Variants in ATP6V0A4 observed in about 807,000 individuals in gnomAD.
The protein encoded by ATP6V0A4 is V-type proton ATPase 116 kDa subunit a 4.
In ATP6V0A4, 86 loss-of-function variants were observed where a neutral mutation model predicts 107.3. That is an observed-to-expected ratio of 0.80 (90% CI 0.67 to 0.96). ATP6V0A4 has a LOEUF of 0.96. Among genes scored for constraint, ATP6V0A4 ranks in the 40% least tolerant of loss-of-function variants. The pLI, the probability that ATP6V0A4 is intolerant of heterozygous loss-of-function variation, is 0.00. For missense variants in ATP6V0A4, 908 were observed against 1,045.6 expected (o/e 0.87, Z 1.81); for synonymous variants, 353 against 381.4 (o/e 0.93, Z 0.87).
At chr7:138,724,781 AT>A (rs1804624562) in intron 18 of ATP6V0A4, among the ~76,000 whole-genome samples, 1 of 152,194 alleles carries the variant, frequency 6.6e-6, no homozygotes, top group South Asian at 2.1e-4. Context: ...TTTTCTGCTC[AT>A]TATTCTTGAA....
chr7:138,737,725 G>A (rs1291957215), intron 15 of ATP6V0A4, among the ~76,000 whole-genome samples: 2 of 150,466 alleles, frequency 1.3e-5, no homozygotes, highest in Non-Finnish European at 3.0e-5. Flanking sequence ...GGGATCACAA[G>A]CATATGCTAC....
At chr7:138,726,638 G>A (rs1804738836) in intron 18 of ATP6V0A4, among the ~76,000 whole-genome samples, 1 of 152,204 alleles carries the variant, frequency 6.6e-6, no homozygotes, top group African/African-American at 2.4e-5. Context: ...AAGGAGAGGT[G>A]GAGAAGGGGC....
chr7:138,764,984 G>A, intron 5 of ATP6V0A4: 1 of 152,312 alleles, frequency 6.6e-6, no homozygotes, highest in Non-Finnish European at 1.5e-5. Context: ...TAGTAGAGAT[G>A]GGGTTTCACC....
intron 1 of ATP6V0A4, among the ~76,000 whole-genome samples, chr7:138,796,620 T>C (rs79517576): frequency 3.1e-5 from 2 of 64,902 alleles, no homozygotes; most frequent in Non-Finnish European, 6.7e-5. Flanking sequence ...AATCTGCACA[T>C]ACAAACTTCA....
chr7:138,744,436 C>A (rs529224597), intron 14 of ATP6V0A4, among the ~76,000 whole-genome samples: 30 of 152,256 alleles, frequency 2.0e-4, no homozygotes, highest in African/African-American at 7.0e-4. Context: ...TGGGGTTTCA[C>A]CATGTTGGCC....
At chr7:138,760,669 A>G (rs946830455) in intron 7 of ATP6V0A4, among the ~76,000 whole-genome samples, 6 of 152,128 alleles carry the variant, frequency 3.9e-5, no homozygotes, top group African/African-American at 1.4e-4. Flanking sequence ...TCACTGGCTT[A>G]TTACTTTAAA....
At position 138,706,458 on chromosome 7, in the gene ATP6V0A4, A is replaced by T; in HGVS notation, c.*166T>A. ...CAAAGTCCTTCCTCTGACGTGGTTA[A>T]GTCGTATCAAATCCACAGGCTGACG... On this transcript the variant is annotated 3_prime_UTR_variant, in exon 22 of 22. Transcript: ENST00000310018. The T allele has an allele frequency of 1.2e-6, 1 of 802,704 alleles. No homozygotes were observed. Among genetic ancestry groups the T allele is most frequent in the Non-Finnish European group, 2.0e-6 (1 of 490,286 alleles). 49.7% of individuals were successfully genotyped at this position (802,704 alleles called of 1,614,324 possible).
intron 20 of ATP6V0A4, among the ~76,000 whole-genome samples, chr7:138,713,761 AG>A (rs1803872442): frequency 1.3e-5 from 2 of 152,146 alleles, no homozygotes; most frequent in South Asian, 4.1e-4. Flanking sequence ...AGGGGGCTGC[AG>A]GGGCAAACAC....
rs2117331845 is a variant in ATP6V0A4 at position 138,768,865 on chromosome 7, T to C, written c.206A>G (p.Glu69Gly). ...ESLERILRFL[E>G]DEMQNEIVVQ... ...TACAATCTCATTTTGCATCTCGTCT[T>C]CCAGAAAACCTGAAGAATGAAAACC... Residue 69 changes from glutamate to glycine, a missense_variant, in exon 5 of 22, where the codon GAA (glutamate) becomes GGA (glycine). By Grantham distance (98) the Glu-to-Gly change is moderately conservative (BLOSUM62 -2). Transcript: ENST00000310018. 6.2e-7 allele frequency: 1 copy of C among 1,614,102 alleles called. No homozygotes were observed. Among genetic ancestry groups the C allele is most frequent in the Non-Finnish European group, 8.5e-7 (1 of 1,180,022 alleles).
intron 17 of ATP6V0A4, among the ~76,000 whole-genome samples, chr7:138,730,446 G>A (rs1416300112): frequency 6.6e-6 from 1 of 151,312 alleles, no homozygotes; most frequent in Non-Finnish European, 1.5e-5. Flanking sequence ...TTATTAACTT[G>A]TATTGCCTCT....
chr7:138,742,506 T>A (rs561908922), intron 14 of ATP6V0A4, among the ~76,000 whole-genome samples: 2 of 152,108 alleles, frequency 1.3e-5, no homozygotes, highest in Non-Finnish European at 2.9e-5. Flanking sequence ...GAACTAAGTG[T>A]AAGAATGAAT....
At chr7:138,753,275 A>T (rs1189816188) in intron 10 of ATP6V0A4, among the ~76,000 whole-genome samples, 6 of 152,240 alleles carry the variant, frequency 3.9e-5, no homozygotes, top group Non-Finnish European at 4.4e-5. Flanking sequence ...CCACGTGACA[A>T]CAGAGGCAGA....
intron 20 of ATP6V0A4, among the ~76,000 whole-genome samples, chr7:138,715,198 T>A (rs1287429883): frequency 1.3e-5 from 2 of 152,038 alleles, no homozygotes; most frequent in Non-Finnish European, 2.9e-5. Flanking sequence ...TGTTGTTGGG[T>A]TTTTTGTTTG....
chr7:138,751,290 A>G (rs184208947), intron 11 of ATP6V0A4, among the ~76,000 whole-genome samples: 3 of 152,282 alleles, frequency 2.0e-5, no homozygotes, highest in Non-Finnish European at 4.4e-5. Flanking sequence ...CTCTGCTCCC[A>G]AACGCAGTTC....
At chr7:138,734,292 A>G (rs1475025486) in intron 15 of ATP6V0A4, 38 bp from the exon 16 acceptor site, 8 of 1,610,376 alleles carry the variant, frequency 5.0e-6, no homozygotes, top group Non-Finnish European at 5.9e-6. Flanking sequence ...AGTGAGAGAG[A>G]GTCTTAGAAG....
At position 138,762,930 on chromosome 7, in the gene ATP6V0A4, G is replaced by A. The variant is rs763834363; in HGVS notation, c.387C>T (p.Tyr129=). Residue 129 remains tyrosine, a synonymous_variant, in exon 6 of 22, where the codon TAC becomes TAT. Transcript: ENST00000310018. ...QSFLELTELK[Y]LLKKTQDFFE... is the part of the protein sequence containing the mutation. ...AGAAGTCTTGGGTTTTCTTCAGGAG[G>A]TATTTCAGTTCTGTCAGTTCTAGGA... is the stretch of plus-strand genomic sequence containing the variant. The A allele has an allele frequency of 6.2e-7, 1 of 1,614,092 alleles. No individual in the cohort carries two copies. Among genetic ancestry groups the A allele is most frequent in the Non-Finnish European group, 8.5e-7 (1 of 1,180,020 alleles).
At chr7:138,758,599 C>A (rs1806624340) in intron 8 of ATP6V0A4, among the ~76,000 whole-genome samples, 1 of 152,136 alleles carries the variant, frequency 6.6e-6, no homozygotes, top group Non-Finnish European at 1.5e-5. Flanking sequence ...ACAGCAACAA[C>A]TGTATGGCAC....
rs143314215 is a variant in ATP6V0A4 at position 138,770,649 on chromosome 7, C to T, written c.117+482G>A. Among the ~76,000 whole-genome samples the T allele has an allele frequency of 2.1e-3, 316 of 152,222 alleles. 1 individual carries two copies. The highest frequency in any genetic ancestry group is 2.0e-3 in the Non-Finnish European group (136 of 68,004). ...CTAAACTGCCCCTGGGAAATGATAC[C>T]CCCATGTCATACTCAAGACTGTCTA... On this transcript the variant is annotated intron_variant, in intron 3 of 21. Coordinates refer to ENST00000310018, the MANE Select transcript of ATP6V0A4 (RefSeq NM_020632.3).
At chr7:138,732,581 G>C (rs138711284) in intron 17 of ATP6V0A4, among the ~76,000 whole-genome samples, 55 of 152,174 alleles carry the variant, frequency 3.6e-4, no homozygotes, top group African/African-American at 1.3e-3. Context: ...ATTGCTTGAG[G>C]TCATGAGTTC....
Sources: gnomAD v4.1 joint callset for allele counts (sites outside exome capture counted in the v4.1 genomes callset) on GRCh38, gnomAD v4.1.1 for gene constraint, MANE v1.5 for transcripts, NCBI Gene and HGNC (gene_info 2026-07-23, HGNC 2026-07-21) for gene names.